The following ENPP1 variants were observed in gnomAD, a reference collection of about 807,000 sequenced individuals.
The protein encoded by ENPP1 is ectonucleotide pyrophosphatase/phosphodiesterase 1, also known as ectonucleotide pyrophosphatase/phosphodiesterase family member 1.
In ENPP1, 73 loss-of-function variants were observed where a neutral mutation model predicts 122.8. That is an observed-to-expected ratio of 0.59 (90% CI 0.49 to 0.72). ENPP1 has a LOEUF of 0.72. Among genes scored for constraint, ENPP1 ranks in the 30% least tolerant of loss-of-function variants. The probability of loss-of-function intolerance (pLI) is 0.00; values close to 1 mark genes in which losing one functional copy is unlikely to be tolerated. For missense variants in ENPP1, 978 were observed against 1,128.1 expected, an observed-to-expected ratio of 0.87 and a Z score of 1.91; for synonymous variants, 367 against 391.6, an observed-to-expected ratio of 0.94 and a Z score of 0.74.
chr6:131,823,031 G>A (rs1242049482), intron 1 of ENPP1, among the ~76,000 whole-genome samples: 1 of 152,180 alleles, frequency 6.6e-6, no homozygotes, highest in Non-Finnish European at 1.5e-5. Flanking sequence ...AACAGTAGAC[G>A]TTAATCAATG....
chr6:131,860,335 A>G (rs1010710199), intron 7 of ENPP1, 52 bp from the exon 8 acceptor site: 2 of 1,350,428 alleles, frequency 1.5e-6, no homozygotes, highest in South Asian at 1.2e-5. Flanking sequence ...CTGTGAATGT[A>G]TTTAACATTA....
chr6:131,863,429 G>A (rs943378038), intron 9 of ENPP1, among the ~76,000 whole-genome samples: 3 of 151,860 alleles, frequency 2.0e-5, no homozygotes, highest in Admixed American at 6.6e-5. Context: ...ATAAAATTTC[G>A]GTCACAAAAT....
rs1438008253 is a variant in ENPP1, at chr6:131,894,024, G to A, written c.*3513G>A. The A allele has an allele frequency of 2.4e-5, 3 of 126,320 alleles. No individual in the cohort carries two copies. Among genetic ancestry groups the A allele is most frequent in the African/African-American group, 9.4e-5 (3 of 32,040 alleles). The allele number at this position is 126,320 out of a possible 1,614,324, so 7.8% of individuals were successfully genotyped here. Reference sequence around the variant, plus strand: ...GCTGGAGTGCAGTGGCAAGATCTTGGCTCACTGCAAGCTCCGCCTCCCAGG... The same window carrying A: ...GCTGGAGTGCAGTGGCAAGATCTTGACTCACTGCAAGCTCCGCCTCCCAGG... On this transcript the variant is annotated 3_prime_UTR_variant, in exon 25 of 25. Transcript: ENST00000647893.
intron 1 of ENPP1, chr6:131,819,948 T>C: frequency 7.1e-6 from 4 of 562,816 alleles, no homozygotes; most frequent in Admixed American, 2.4e-5. Context: ...TCTTTTTTTT[T>C]TTTTTCGCAT....
At chr6:131,872,793 A>C in intron 14 of ENPP1, 130 bp from the exon 15 acceptor site, 1 of 921,332 alleles carries the variant, frequency 1.1e-6, no homozygotes, top group Non-Finnish European at 1.6e-6. Context: ...AAGCAATTTC[A>C]AGAAAAGTTG....
intron 1 of ENPP1, among the ~76,000 whole-genome samples, chr6:131,829,419 C>A (rs1398398172): frequency 2.6e-5 from 4 of 152,150 alleles, no homozygotes; most frequent in African/African-American, 9.6e-5. Flanking sequence ...GTTTTTGCAT[C>A]AAAGGGATTT....
In ENPP1 at chr6:131,890,725, T is replaced by C; in HGVS notation, c.*214T>C. ...TGCACATATTTGAATGTGTAAGCATTGTATACATTGATCAAGTTCGGGGGA... is the reference window on the plus strand; with the variant it reads ...TGCACATATTTGAATGTGTAAGCATCGTATACATTGATCAAGTTCGGGGGA... On this transcript the variant is annotated 3_prime_UTR_variant, in exon 25 of 25. Transcript: ENST00000647893. The C allele has an allele frequency of 1.7e-6, 1 of 578,344 alleles. No homozygotes were observed. The highest frequency in any genetic ancestry group is 3.1e-6 in the Non-Finnish European group (1 of 325,278). The allele number at this position is 578,344 out of a possible 1,614,324, so 35.8% of individuals were successfully genotyped here.
At chr6:131,813,101 A>G (rs543858137) in intron 1 of ENPP1, among the ~76,000 whole-genome samples, 1 of 152,096 alleles carries the variant, frequency 6.6e-6, no homozygotes, top group Non-Finnish European at 1.5e-5. Context: ...TCAGCCTCCC[A>G]AAGTGCTATG....
chr6:131,858,995 T>TC (rs1213715448), intron 7 of ENPP1, among the ~76,000 whole-genome samples: 1 of 152,196 alleles, frequency 6.6e-6, no homozygotes, highest in Non-Finnish European at 1.5e-5. Flanking sequence ...AGAAACGATT[T>TC]CCTGGTTTCC....
chr6:131,844,559 T>G (rs1355747906), intron 1 of ENPP1, among the ~76,000 whole-genome samples: 1 of 151,476 alleles, frequency 6.6e-6, no homozygotes, highest in Non-Finnish European at 1.5e-5. Context: ...AGTGGATAAT[T>G]GAAAAAGTGA....
chr6:131,879,749 TCA>T, intron 19 of ENPP1, 129 bp from the exon 20 acceptor site: 1 of 792,320 alleles, frequency 1.3e-6, no homozygotes, highest in Non-Finnish European at 2.1e-6. Context: ...CCCTTTGTAA[TCA>T]GTTTTTTTAA....
At chr6:131,886,829 T>C in intron 24 of ENPP1, 105 bp downstream of exon 24, 1 of 789,400 alleles carries the variant, frequency 1.3e-6, no homozygotes, top group South Asian at 2.4e-5. Context: ...CACAACTGAG[T>C]ACACATGGAC....
At chr6:131,879,819 C>G in intron 19 of ENPP1, 61 bp from the exon 20 acceptor site, 1 of 1,427,606 alleles carries the variant, frequency 7.0e-7, no homozygotes, top group Non-Finnish European at 9.9e-7. Context: ...ATGAGTGTAT[C>G]ACACTATATA....
intron 1 of ENPP1, among the ~76,000 whole-genome samples, chr6:131,822,965 A>G (rs1353674184): frequency 6.6e-6 from 1 of 152,202 alleles, no homozygotes; most frequent in African/African-American, 2.4e-5. Context: ...ACAGCACACA[A>G]TGAGAAAATA....
chr6:131,857,016 A>G (rs968330744), intron 6 of ENPP1, among the ~76,000 whole-genome samples: 18 of 151,990 alleles, frequency 1.2e-4, no homozygotes, highest in Non-Finnish European at 1.9e-4. Context: ...GTTTTTTCCA[A>G]TTCTGTGAAG....
intron 1 of ENPP1, among the ~76,000 whole-genome samples, chr6:131,836,437 T>TGTGTGTG: frequency 6.6e-6 from 1 of 151,560 alleles, no homozygotes; most frequent in African/African-American, 2.4e-5. Flanking sequence ...TGTGTGTGTG[T>TGTGTGTG]TTTAATGAAT....
chr6:131,890,511 A>T lies in ENPP1; in HGVS notation c.2778A>T (p.Ter926CysextTer9). 4 of 1,612,326 alleles carry T rather than the reference A, an allele frequency of 2.5e-6. No individual in the cohort carries two copies. Among genetic ancestry groups the T allele is most frequent in the Non-Finnish European group, 3.4e-6 (4 of 1,178,356 alleles). Residue 926 changes from the stop codon to cysteine (C), a stop_lost, in exon 25 of 25, where the codon TGA becomes TGT. Transcript: ENST00000647893. ...THLPTFSQED[*>C] ...TGCCAACCTTTAGCCAAGAAGACTG[A>T]TATGTTTTTTATCCCCAAACACCAT...
chr6:131,860,333 G>A (rs1393735232), intron 7 of ENPP1, 54 bp from the exon 8 acceptor site: 2 of 1,302,416 alleles, frequency 1.5e-6, no homozygotes, highest in African/African-American at 2.9e-5. Context: ...TTCTGTGAAT[G>A]TATTTAACAT....
chr6:131,829,939 A>C (rs577679494), intron 1 of ENPP1, among the ~76,000 whole-genome samples: 3 of 152,070 alleles, frequency 2.0e-5, no homozygotes, highest in Non-Finnish European at 4.4e-5. Context: ...TCCTGGTCTG[A>C]TGCTTGGAGT....
Sources: gnomAD v4.1 joint callset for allele counts (sites outside exome capture counted in the v4.1 genomes callset) on GRCh38, gnomAD v4.1.1 for gene constraint, MANE v1.5 for transcripts, NCBI Gene and HGNC (gene_info 2026-07-23, HGNC 2026-07-21) for gene names.